Variants in TRAK2 observed in about 807,000 individuals in gnomAD.
The protein encoded by TRAK2 is trafficking kinesin protein 2, also known as trafficking kinesin-binding protein 2.
Under a neutral mutation model 104.6 loss-of-function variants are expected in TRAK2, and 81 were observed. That is an observed-to-expected ratio of 0.77 (90% confidence interval 0.65 to 0.93). The LOEUF is 0.93. Among genes scored for constraint, TRAK2 ranks in the 40% least tolerant of loss-of-function variants. The pLI, the probability that TRAK2 is intolerant of heterozygous loss-of-function variation, is 0.00. For synonymous variants in TRAK2, 406 were observed against 394.4 expected (o/e 1.03, Z -0.35); for missense variants, 1,002 against 1,089.0 (o/e 0.92, Z 1.12).
chr2:201,428,776 G>C (rs556312126), intron 1 of TRAK2, among the ~76,000 whole-genome samples: 2 of 152,130 alleles, frequency 1.3e-5, no homozygotes, highest in Non-Finnish European at 2.9e-5. Context: ...CCATTTTCAC[G>C]ATGTTGATTT....
Position 201,447,628 on chromosome 2 carries a change from C to T in TRAK2, c.-200+3722G>A, listed in dbSNP as rs1245673226. Among the ~76,000 whole-genome samples, 3 of 152,134 alleles carry T rather than the reference C, an allele frequency of 2.0e-5. No homozygotes were observed. The highest frequency in any genetic ancestry group is 4.4e-5 in the Non-Finnish European group (3 of 68,016). The stretch of plus-strand genomic sequence containing the variant: ...TCTCTTTTTGTGCTCAAATTTCCTT[C>T]TTATAAGGAAAACTGTCAGACTGGA... On this transcript the variant is annotated intron_variant, in intron 1 of 15. Coordinates refer to ENST00000332624, the MANE Select transcript of TRAK2 (RefSeq NM_015049.3). This position sits in a 1 kb window ranked among gnomAD's most constrained non-coding sequence, Gnocchi z 4.1.
intron 14 of TRAK2, among the ~76,000 whole-genome samples, 168 bp downstream of exon 14, chr2:201,386,050 A>G (rs1028312193): frequency 6.6e-6 from 1 of 152,218 alleles, no homozygotes; most frequent in Non-Finnish European, 1.5e-5. Flanking sequence ...GCTGGCTAAG[A>G]TAAAGTGGAG....
At chr2:201,448,242 G>C (rs1265414954) in intron 1 of TRAK2, among the ~76,000 whole-genome samples, 1 of 152,220 alleles carries the variant, frequency 6.6e-6, no homozygotes, top group East Asian at 1.9e-4. Flanking sequence ...TACACAGTAG[G>C]TTCTCAATAA....
chr2:201,390,196 G>A (rs1440130462), intron 10 of TRAK2, among the ~76,000 whole-genome samples: 2 of 151,986 alleles, frequency 1.3e-5, no homozygotes, highest in Admixed American at 6.6e-5. Flanking sequence ...GAGATTTAAT[G>A]GTATTTAACA....
chr2:201,418,528 C>T (rs1177120298), intron 2 of TRAK2, among the ~76,000 whole-genome samples: 3 of 152,006 alleles, frequency 2.0e-5, no homozygotes, highest in Non-Finnish European at 4.4e-5. Flanking sequence ...TCAAGATTTA[C>T]TATAGAATTA....
Position 201,381,114 on chromosome 2 carries a change from A to T in TRAK2, c.2174T>A (p.Ile725Asn). Reference protein sequence around the residue: ...LSYRLSIGESITNRRDSTTTF... With the variant: ...LSYRLSIGESNTNRRDSTTTF... ...TGTAGTGGAATCTCGTCGGTTGGTG[A>T]TGGACTCACCAATGCTGAGTCTATA... Residue 725 changes from isoleucine (I) to asparagine (N), a missense_variant, in exon 16 of 16, where the codon ATC becomes AAC. By Grantham distance (149) the Ile-to-Asn change is moderately radical. Coordinates refer to ENST00000332624, the MANE Select transcript of TRAK2 (RefSeq NM_015049.3). The T allele has an allele frequency of 6.2e-7, 1 of 1,613,854 alleles. No homozygotes were observed. Among genetic ancestry groups the T allele is most frequent in the Non-Finnish European group, 8.5e-7 (1 of 1,179,848 alleles).
In TRAK2 at chr2:201,380,777, C is replaced by T. The variant is rs1188853457; in HGVS notation, c.2511G>A (p.Arg837=). 3.1e-6 allele frequency: 5 copies of T among 1,614,146 alleles called. No homozygotes were observed. Among genetic ancestry groups the T allele is most frequent in the Non-Finnish European group, 3.4e-6 (4 of 1,180,004 alleles). Residue 837 remains arginine, a synonymous_variant, in exon 16 of 16, where the codon AGG becomes AGA. Transcript: ENST00000332624. ...CTCTGGCTATCCCCAGTCTCTTCAG[C>T]CTGTCCACTAAGTTCATCTTCAACT... The part of the protein sequence containing the change: ...VGQLKMNLVD[R]LKRLGIARVV...
chr2:201,437,118 G>C (rs751921443), intron 1 of TRAK2, among the ~76,000 whole-genome samples: 4 of 152,142 alleles, frequency 2.6e-5, no homozygotes, highest in Admixed American at 1.3e-4. Flanking sequence ...TGCAATAGAC[G>C]CCTTTGGTTT....
intron 3 of TRAK2, among the ~76,000 whole-genome samples, chr2:201,402,451 G>A (rs556703960): frequency 6.6e-6 from 1 of 151,964 alleles, no homozygotes; most frequent in Non-Finnish European, 1.5e-5. Flanking sequence ...GATGGTATTG[G>A]AGATAACTAA....
chr2:201,407,628 AATAT>A, intron 2 of TRAK2, 31 bp from the exon 3 acceptor site: 13 of 1,550,552 alleles, frequency 8.4e-6, no homozygotes, highest in Non-Finnish European at 1.0e-5. Flanking sequence ...AAATGAATCC[AATAT>A]ATTTCAACTT....
intron 3 of TRAK2, among the ~76,000 whole-genome samples, chr2:201,406,288 T>C (rs1951594062): frequency 6.6e-6 from 1 of 152,218 alleles, no homozygotes. Context: ...AAATAAATTG[T>C]AGGAAACTGG....
At position 201,420,561 on chromosome 2, in the gene TRAK2, T is replaced by A; in HGVS notation, c.-54A>T. 1.4e-6 allele frequency: 2 copies of A among 1,410,360 alleles called. No individual in the cohort carries two copies. Among genetic ancestry groups the A allele is most frequent in the Non-Finnish European group, 2.0e-6 (2 of 997,456 alleles). The allele number at this position is 1,410,360 out of a possible 1,614,324, so 87.4% of individuals were successfully genotyped here. On this transcript the variant is annotated 5_prime_UTR_variant, in exon 2 of 16. Coordinates refer to ENST00000332624, the MANE Select transcript of TRAK2 (RefSeq NM_015049.3). ...AGGACAGCTTTGGTATGAATCAGAG[T>A]AAAGGAAATCCATCAAGCCATTCAA... is the stretch of plus-strand genomic sequence containing the variant.
At chr2:201,396,764 C>T (rs1482177224) in intron 7 of TRAK2, among the ~76,000 whole-genome samples, 3 of 152,014 alleles carry the variant, frequency 2.0e-5, no homozygotes, top group East Asian at 3.9e-4. Context: ...GTATATACTG[C>T]GTGGAGATAC....
At chr2:201,396,044 A>C (rs1951498292) in intron 7 of TRAK2, among the ~76,000 whole-genome samples, 1 of 152,224 alleles carries the variant, frequency 6.6e-6, no homozygotes, top group Non-Finnish European at 1.5e-5. Flanking sequence ...TCTTACATGC[A>C]CATAAAATAG....
intron 5 of TRAK2, among the ~76,000 whole-genome samples, chr2:201,398,741 A>G (rs1408330796): frequency 6.6e-6 from 1 of 152,132 alleles, no homozygotes; most frequent in Non-Finnish European, 1.5e-5. Flanking sequence ...AACTCTTATC[A>G]TAAGGGCTTG....
Position 201,387,721 on chromosome 2 carries a change from T to C in TRAK2, c.1678A>G (p.Ile560Val). 6.2e-7 allele frequency: 1 copy of C among 1,606,872 alleles called. No individual in the cohort carries two copies. The highest frequency in any genetic ancestry group is 8.5e-7 in the Non-Finnish European group (1 of 1,175,412). ...LRGFMPEKLQ[I>V]VKPLEGSQTL... Reference sequence around the variant, plus strand: ...TTATTACCTTCAAGGGGCTTGACAATTTGTAATTTTTCTGGCATAAAACCT... The same window carrying C: ...TTATTACCTTCAAGGGGCTTGACAACTTGTAATTTTTCTGGCATAAAACCT... Residue 560 changes from isoleucine to valine, a missense_variant, in exon 13 of 16, where the codon ATT (isoleucine) becomes GTT (valine). Coordinates refer to ENST00000332624, the MANE Select transcript of TRAK2 (RefSeq NM_015049.3).
chr2:201,448,608 C>T (rs1374175109), intron 1 of TRAK2, among the ~76,000 whole-genome samples: 1 of 152,134 alleles, frequency 6.6e-6, no homozygotes, highest in Non-Finnish European at 1.5e-5. Context: ...AAAACTGGTA[C>T]AGATAATATA....
At chr2:201,436,411 A>G (rs890550975) in intron 1 of TRAK2, among the ~76,000 whole-genome samples, 1 of 152,182 alleles carries the variant, frequency 6.6e-6, no homozygotes, top group Non-Finnish European at 1.5e-5. Context: ...AAAAGACACC[A>G]TTGGCCGAAA....
chr2:201,390,310 C>T (rs1165900326), intron 10 of TRAK2, among the ~76,000 whole-genome samples: 1 of 149,244 alleles, frequency 6.7e-6, no homozygotes, highest in Non-Finnish European at 1.5e-5. Flanking sequence ...TTTGGGAGGC[C>T]AAGGTGGGTG....
Sources: gnomAD v4.1 joint callset for allele counts (sites outside exome capture counted in the v4.1 genomes callset) on GRCh38, gnomAD v4.1.1 for gene constraint, Gnocchi (gnomAD v3.1) non-coding constraint, MANE v1.5 for transcripts, NCBI Gene and HGNC (gene_info 2026-07-23, HGNC 2026-07-21) for gene names.